The following SUPT3H variants were observed in gnomAD, a reference collection of about 807,000 sequenced individuals.
The protein encoded by SUPT3H is transcription initiation protein SPT3 homolog.
SUPT3H carries 44 observed loss-of-function variants against 44.3 expected under a neutral mutation model. The observed-to-expected ratio is 0.99, with a 90% CI of 0.78 to 1.28. The LOEUF (loss-of-function observed/expected upper bound fraction) is 1.28. Ranked by LOEUF, SUPT3H falls within the 50% of genes most tolerant of loss-of-function variation. The probability of loss-of-function intolerance (pLI) is 0.00; values close to 1 mark genes in which losing one functional copy is unlikely to be tolerated. For missense variants in SUPT3H, 380 were observed against 387.1 expected, an observed-to-expected ratio of 0.98 and a Z score of 0.15; for synonymous variants, 124 against 125.6, an observed-to-expected ratio of 0.99 and a Z score of 0.09.
intron 2 of SUPT3H, among the ~76,000 whole-genome samples, chr6:45,145,784 C>T (rs887008559): frequency 4.0e-5 from 6 of 151,896 alleles, no homozygotes; most frequent in African/African-American, 1.5e-4. Flanking sequence ...GGACTAATAT[C>T]GAGAATCTAC....
At chr6:44,811,859 C>CT (rs887010606) in intron 11 of SUPT3H, among the ~76,000 whole-genome samples, 186 of 145,750 alleles carry the variant, frequency 1.3e-3, no homozygotes, top group Middle Eastern at 0.011. Context: ...ATGGGTTGGT[C>CT]TTTTTTTTTT....
chr6:45,273,037 T>C (rs1776455773), intron 2 of SUPT3H, among the ~76,000 whole-genome samples: 1 of 152,208 alleles, frequency 6.6e-6, no homozygotes, highest in African/African-American at 2.4e-5. Flanking sequence ...CTTGAGCCCA[T>C]TTGTTTGAAA....
intron 2 of SUPT3H, among the ~76,000 whole-genome samples, chr6:45,158,201 GAGATAGATAGATAGATAGATAGAT>G (rs3054762): frequency 1.2e-3 from 150 of 121,918 alleles, no homozygotes; most frequent in African/African-American, 4.6e-3. Context: ...AGAAACCATA[GAGATAGATAGATAGATAGATAGAT>G]AGATAGATAG....
At chr6:45,090,648 T>C (rs1480365672) in intron 3 of SUPT3H, among the ~76,000 whole-genome samples, 2 of 151,964 alleles carry the variant, frequency 1.3e-5, no homozygotes, top group African/African-American at 4.8e-5. Context: ...TATAATGTAC[T>C]CATTGAAACC....
At chr6:45,100,690 C>G (rs1436434182) in intron 3 of SUPT3H, among the ~76,000 whole-genome samples, 1 of 151,234 alleles carries the variant, frequency 6.6e-6, no homozygotes, top group East Asian at 2.0e-4. Context: ...TTATCAAAAA[C>G]AAGGTTATAA....
At position 44,829,913 on chromosome 6, in the gene SUPT3H, G is replaced by T. The variant is rs375212002; in HGVS notation, c.913-56C>A. The T allele has an allele frequency of 1.1e-5, 18 of 1,566,352 alleles. No individual in the cohort carries two copies. In the South Asian group the frequency reaches 1.2e-4, roughly 11 times the overall value. On this transcript the variant is annotated intron_variant, in intron 10 of 10. Coordinates refer to ENST00000371459, the MANE Select transcript of SUPT3H (RefSeq NM_003599.4). ...TATCACATGAAGTCAAACAAGGAAAGGAGGCAAAAAGCAAGCAGAGCCCTC... is the reference window on the plus strand; with the variant it reads ...TATCACATGAAGTCAAACAAGGAAATGAGGCAAAAAGCAAGCAGAGCCCTC...
chr6:44,966,682 G>C (rs1025071460), intron 6 of SUPT3H, among the ~76,000 whole-genome samples: 3 of 151,888 alleles, frequency 2.0e-5, no homozygotes, highest in Non-Finnish European at 4.4e-5. Flanking sequence ...CTCCCTTTAG[G>C]CTCTAGTTTC....
intron 2 of SUPT3H, among the ~76,000 whole-genome samples, chr6:45,136,501 T>C (rs1804300303): frequency 6.6e-6 from 1 of 151,800 alleles, no homozygotes; most frequent in Non-Finnish European, 1.5e-5. Context: ...AGTCAAGCAG[T>C]CATTATAAAT....
chr6:45,037,601 T>G (rs187679407), intron 3 of SUPT3H, among the ~76,000 whole-genome samples: 1 of 151,288 alleles, frequency 6.6e-6, no homozygotes, highest in African/African-American at 2.4e-5. Context: ...GAAGTGGAGG[T>G]TGCAATGAGC....
At chr6:44,931,304 C>T (rs1465667613) in intron 10 of SUPT3H, among the ~76,000 whole-genome samples, 5 of 152,046 alleles carry the variant, frequency 3.3e-5, no homozygotes, top group African/African-American at 1.2e-4. Flanking sequence ...TTTTCCCTTC[C>T]ACTGTCTCAA....
intron 2 of SUPT3H, among the ~76,000 whole-genome samples, chr6:45,140,235 C>T (rs1346475968): frequency 2.0e-5 from 3 of 152,070 alleles, no homozygotes; most frequent in Admixed American, 6.5e-5. Context: ...AACAAGAGTC[C>T]GAGGCCAGAC....
At chr6:45,220,797 T>C (rs978796539) in intron 2 of SUPT3H, among the ~76,000 whole-genome samples, 10 of 152,128 alleles carry the variant, frequency 6.6e-5, no homozygotes, top group Admixed American at 2.0e-4. Flanking sequence ...AGTTCAACCA[T>C]TGTGGAAGAT....
intron 2 of SUPT3H, among the ~76,000 whole-genome samples, chr6:45,218,151 A>G (rs923923194): frequency 1.3e-5 from 2 of 152,162 alleles, no homozygotes; most frequent in Non-Finnish European, 2.9e-5. Flanking sequence ...TTTGAAAGCA[A>G]AAGAGTGAAA....
chr6:45,039,446 TTAAAG>T (rs148202697), intron 3 of SUPT3H, among the ~76,000 whole-genome samples: 2,440 of 152,242 alleles, frequency 0.016, 38 homozygotes, highest in South Asian at 0.032. Flanking sequence ...TTCTGTACTA[TTAAAG>T]AATTTAATTT....
rs184387117 is a variant in SUPT3H at position 45,263,720 on chromosome 6, A to C, written c.101+101481T>G. Among the ~76,000 whole-genome samples, 68 of 152,246 alleles carry C rather than the reference A, an allele frequency of 4.5e-4. 1 individual carries two copies. In the East Asian group the frequency reaches 0.013, roughly 29 times the overall value. On this transcript the variant is annotated intron_variant, in intron 2 of 10. Transcript: ENST00000371459. ...GACTTGCTGCATGATGATAAAGGGA[A>C]TGCCATTCTTGTATCCCTACAGTCT...
intron 10 of SUPT3H, among the ~76,000 whole-genome samples, chr6:44,848,668 C>T (rs1392980160): frequency 6.6e-6 from 1 of 152,074 alleles, no homozygotes; most frequent in African/African-American, 2.4e-5. Context: ...CTATTACAGA[C>T]CAATAGATAT....
intron 2 of SUPT3H, among the ~76,000 whole-genome samples, chr6:45,284,267 A>G (rs551920278): frequency 2.3e-3 from 351 of 152,200 alleles, no homozygotes; most frequent in Non-Finnish European, 4.0e-3. Context: ...AGGAAATAGA[A>G]ACACAAAAAA....
rs1554294714 is a variant in SUPT3H, at chr6:45,230,686, A to ATTTTTT, written c.102-124681_102-124680insAAAAAA. 5.3e-3 allele frequency among the ~76,000 whole-genome samples: 618 copies of ATTTTTT among 116,800 alleles called. 24 individuals are homozygous for ATTTTTT. The highest frequency in any genetic ancestry group is 0.015 in the African/African-American group (480 of 31,826). The allele number at this position is 116,800 out of a possible 152,430, so 76.6% of individuals were successfully genotyped here. On this transcript the variant is annotated intron_variant, in intron 2 of 10. Coordinates refer to ENST00000371459, the MANE Select transcript of SUPT3H (RefSeq NM_003599.4). ...TCTATATATATATATATATATATAT[A>ATTTTTT]TTTTTGAGATGGAGTCTTGCTCTAT... is the stretch of plus-strand genomic sequence containing the variant.
chr6:45,243,197 CA>C lies in SUPT3H; in HGVS notation c.101+122003del, dbSNP rs61643038. 4.6e-3 allele frequency among the ~76,000 whole-genome samples: 333 copies of C among 72,494 alleles called. 1 individual carries two copies. Among genetic ancestry groups the C allele is most frequent in the African/African-American group, 5.9e-3 (80 of 13,488 alleles). 47.6% of individuals were successfully genotyped at this position (72,494 alleles called of 152,430 possible). A position where few individuals can be genotyped will look rare whatever the true frequency, so the allele number is the denominator to read the frequency against. ...TGGGAAACAGAGCGAGACTCCTTCT[CA>C]AAAAAAAAAAAAAAAAAAAAAAGCT... On this transcript the variant is annotated intron_variant, in intron 2 of 10. Transcript: ENST00000371459.
Sources: gnomAD v4.1 joint callset for allele counts (sites outside exome capture counted in the v4.1 genomes callset) on GRCh38, gnomAD v4.1.1 for gene constraint, MANE v1.5 for transcripts, NCBI Gene and HGNC (gene_info 2026-07-23, HGNC 2026-07-21) for gene names.